Variants in ANKRD13A observed in about 807,000 individuals in gnomAD.
The protein encoded by ANKRD13A is ankyrin repeat domain 13A, also known as ankyrin repeat domain-containing protein 13A.
A neutral mutation model predicts 81.3 loss-of-function variants in ANKRD13A; 48 were observed. The observed-to-expected ratio is 0.59, with a 90% confidence interval of 0.47 to 0.75. The LOEUF (loss-of-function observed/expected upper bound fraction) is 0.75, where lower values mean the gene tolerates loss of function less well. ANKRD13A is among the 30% of genes least tolerant of loss of function. The pLI is 0.00. For missense variants in ANKRD13A, 612 were observed against 734.0 expected (o/e 0.83, Z 1.92); for synonymous variants, 230 against 270.1 (o/e 0.85, Z 1.45).
At chr12:110,029,760 CAGA>C in intron 11 of ANKRD13A, 125 bp downstream of exon 11, 1 of 1,013,576 alleles carries the variant, frequency 9.9e-7, no homozygotes, top group Non-Finnish European at 1.5e-6. Flanking sequence ...ATAGACATAA[CAGA>C]GGAGGTCAGA....
At position 110,019,268 on chromosome 12, in the gene ANKRD13A, G is replaced by T. The variant is rs745337377; in HGVS notation, c.674G>T (p.Arg225Leu). 6.2e-7 allele frequency: 1 copy of T among 1,613,998 alleles called. No individual in the cohort carries two copies. Among genetic ancestry groups the T allele is most frequent in the Admixed American group, 1.7e-5 (1 of 60,010 alleles). ...LMKPKSREVE[R>L]RLTSPVINTS... is the part of the protein sequence containing the mutation. ...AAGCCAAAAAGCAGGGAAGTTGAGC[G>T]GCGGCTCACAAGCCCTGTCATTAAC... Residue 225 changes from arginine (R) to leucine (L), a missense_variant, in exon 6 of 15, where the codon CGG (arginine) becomes CTG (leucine). Physicochemically the swap from Arg to Leu is moderately radical, Grantham distance 102. Coordinates refer to ENST00000261739, the MANE Select transcript of ANKRD13A (RefSeq NM_033121.2).
chr12:110,035,826 G>A (rs1007194821), intron 13 of ANKRD13A, among the ~76,000 whole-genome samples: 6 of 152,102 alleles, frequency 3.9e-5, no homozygotes, highest in African/African-American at 1.4e-4. Context: ...TTAGGTGGGA[G>A]GATTTCTTGT....
At chr12:110,005,017 A>G (rs1047419567) in intron 1 of ANKRD13A, among the ~76,000 whole-genome samples, 4 of 152,254 alleles carry the variant, frequency 2.6e-5, no homozygotes, top group African/African-American at 9.6e-5. Flanking sequence ...TTTTTTCAAA[A>G]GATTTTTATT....
At chr12:110,019,023 C>A in intron 5 of ANKRD13A, 116 bp from the exon 6 acceptor site, 1 of 1,119,650 alleles carries the variant, frequency 8.9e-7, no homozygotes, top group Non-Finnish European at 1.3e-6. Flanking sequence ...GTAGGTTTTA[C>A]CAGATAGCAC....
Position 110,027,694 on chromosome 12 carries a change from C to G in ANKRD13A, c.884-11C>G. The G allele has an allele frequency of 1.9e-6, 3 of 1,613,876 alleles. No homozygotes were observed. Among genetic ancestry groups the G allele is most frequent in the Non-Finnish European group, 2.5e-6 (3 of 1,179,778 alleles). On this transcript the variant is annotated splice_polypyrimidine_tract_variant and intron_variant, in intron 8 of 14. Transcript: ENST00000261739. ...ATAATATTAGACTTTAAACTCCCTA[C>G]CCCTCTGTAGCAGACAGGAACCCGC...
intron 4 of ANKRD13A, 149 bp downstream of exon 4, chr12:110,016,582 T>G (rs1252947353): frequency 1.4e-6 from 1 of 714,940 alleles, no homozygotes; most frequent in Admixed American, 3.1e-5. Flanking sequence ...TCACTGATAG[T>G]CCCAGTTAAA....
At chr12:110,022,746 GGA>G (rs1445452471) in intron 6 of ANKRD13A, among the ~76,000 whole-genome samples, 2 of 152,174 alleles carry the variant, frequency 1.3e-5, no homozygotes, top group African/African-American at 2.4e-5. Context: ...TGATAAAAGG[GGA>G]TTGTAGCTTA....
In ANKRD13A at chr12:110,030,725, T is replaced by C. The variant is rs1322384623; in HGVS notation, c.1315T>C (p.Ser439Pro). Residue 439 changes from serine to proline, a missense_variant, in exon 12 of 15, where the codon TCT (serine) becomes CCT (proline). By Grantham distance (74) the Ser-to-Pro change is moderately conservative. Coordinates refer to ENST00000261739, the MANE Select transcript of ANKRD13A (RefSeq NM_033121.2). Reference sequence around the variant, plus strand: ...CTGTAGCACTGCCGAAGAATCTGTATCTCAAAATGTGGAAGGGACCCAGGC... The same window carrying C: ...CTGTAGCACTGCCGAAGAATCTGTACCTCAAAATGTGGAAGGGACCCAGGC... The part of the protein sequence containing the change: ...NGCSTAEESV[S>P]QNVEGTQADS... The C allele has an allele frequency of 2.7e-5, 44 of 1,609,122 alleles. No homozygotes were observed. Among genetic ancestry groups the C allele is most frequent in the Non-Finnish European group, 3.2e-5 (38 of 1,177,232 alleles).
At position 109,999,442 on chromosome 12, in the gene ANKRD13A, G is replaced by A. The variant is rs1438352981; in HGVS notation, c.-247G>A. 1.4e-5 allele frequency: 3 copies of A among 222,180 alleles called. No homozygotes were observed. The East Asian group carries it at 3.0e-4, about 22-fold the overall frequency. The allele number at this position is 222,180 out of a possible 1,614,324, so 13.8% of individuals were successfully genotyped here. A position where few individuals can be genotyped will look rare whatever the true frequency, so the allele number is the denominator to read the frequency against. On this transcript the variant is annotated 5_prime_UTR_variant, in exon 1 of 15. Coordinates refer to ENST00000261739, the MANE Select transcript of ANKRD13A (RefSeq NM_033121.2). The surrounding 1 kb of genome is among the most constrained non-coding windows in gnomAD (Gnocchi z 4.3). ...CAGTTAGGTCCGCAGAAGTCTGTCCGCGAGCTGTCAGCGCGGGCGGGAACG... is the reference window on the plus strand; with the variant it reads ...CAGTTAGGTCCGCAGAAGTCTGTCCACGAGCTGTCAGCGCGGGCGGGAACG...
In ANKRD13A at chr12:110,039,074, T is replaced by A. The variant is rs1269023887; in HGVS notation, c.*1520T>A. 1 of 152,138 alleles carries A rather than the reference T, an allele frequency of 6.6e-6. No individual in the cohort carries two copies. Among genetic ancestry groups the A allele is most frequent in the Non-Finnish European group, 1.5e-5 (1 of 68,012 alleles). 9.4% of individuals were successfully genotyped at this position (152,138 alleles called of 1,614,324 possible). On this transcript the variant is annotated 3_prime_UTR_variant, in exon 15 of 15. Coordinates refer to ENST00000261739, the MANE Select transcript of ANKRD13A (RefSeq NM_033121.2). ...CCATTTCACAATCTGTTTTGTTTTTTTTTTTTGTCATTGTCTGACCAAAAT... is the reference window on the plus strand; with the variant it reads ...CCATTTCACAATCTGTTTTGTTTTTATTTTTTGTCATTGTCTGACCAAAAT...
intron 1 of ANKRD13A, among the ~76,000 whole-genome samples, chr12:110,007,049 T>C (rs1420302054): frequency 6.6e-6 from 1 of 152,240 alleles, no homozygotes; most frequent in East Asian, 1.9e-4. Context: ...TTGTATTCCA[T>C]TGACCTGTAT....
chr12:110,033,984 C>G, intron 13 of ANKRD13A, 27 bp downstream of exon 13: 2 of 1,583,844 alleles, frequency 1.3e-6, no homozygotes, highest in Non-Finnish European at 1.7e-6. Flanking sequence ...ACTCTAATGG[C>G]AGGGCGTGGG....
In ANKRD13A at chr12:110,019,152, G is replaced by A. The variant is rs1251911320; in HGVS notation, c.558G>A (p.Glu186=). The change falls in exon 6 of 15, where the codon GAG becomes GAA. Residue 186 remains glutamate, a synonymous_variant. Coordinates refer to ENST00000261739, the MANE Select transcript of ANKRD13A (RefSeq NM_033121.2). ...TTCCATTAATAGACAACTGGGCGGA[G>A]TTAATGGAAGTCAACCATGATGACA... ...FIFKGEDNWA[E]LMEVNHDDKV... 1 of 1,600,766 alleles carries A rather than the reference G, an allele frequency of 6.2e-7. No homozygotes were observed. The highest frequency in any genetic ancestry group is 8.5e-7 in the Non-Finnish European group (1 of 1,172,494).
rs964260704 is a variant in ANKRD13A, at chr12:109,999,596, C to T, written c.-93C>T. The stretch of plus-strand genomic sequence containing the variant: ...GTAACACGCCCTACGCTCGCTTGCT[C>T]GCCGGCCTCAGGGCAGGCAGGCGGG... On this transcript the variant is annotated 5_prime_UTR_variant, in exon 1 of 15. Coordinates refer to ENST00000261739, the MANE Select transcript of ANKRD13A (RefSeq NM_033121.2). This position sits in a 1 kb window ranked among gnomAD's most constrained non-coding sequence, Gnocchi z 4.3. 1.8e-5 allele frequency: 19 copies of T among 1,070,456 alleles called. No homozygotes were observed. The highest frequency in any genetic ancestry group is 3.2e-5 in the East Asian group (1 of 31,134). 66.3% of individuals were successfully genotyped at this position (1,070,456 alleles called of 1,614,324 possible).
Position 110,028,584 on chromosome 12 carries a change from T to C in ANKRD13A, c.1018T>C (p.Phe340Leu), listed in dbSNP as rs769269891. The C allele has an allele frequency of 8.7e-6, 14 of 1,613,938 alleles. No individual in the cohort carries two copies. The highest frequency in any genetic ancestry group is 1.7e-5 in the Admixed American group (1 of 59,984). The change falls in exon 10 of 15, where the codon TTT becomes CTT. Residue 340 changes from phenylalanine (F) to leucine (L), a missense_variant. Transcript: ENST00000261739. Reference protein sequence around the residue: ...ITPDEYFNEEFDLKDRDIGRP... With the variant: ...ITPDEYFNEELDLKDRDIGRP... Reference sequence around the variant, plus strand: ...GCCTGATGAGTACTTCAATGAAGAGTTTGATCTGAAAGACAGGGACATTGG... The same window carrying C: ...GCCTGATGAGTACTTCAATGAAGAGCTTGATCTGAAAGACAGGGACATTGG...
rs759821273 is a variant in ANKRD13A, at chr12:109,999,687, C to G, written c.-2C>G. The G allele has an allele frequency of 3.9e-6, 6 of 1,533,096 alleles. No homozygotes were observed. In the South Asian group the frequency reaches 6.1e-5, roughly 16 times the overall value. 95.0% of individuals were successfully genotyped at this position (1,533,096 alleles called of 1,614,324 possible). The stretch of plus-strand genomic sequence containing the variant: ...CGAGGACCAGGTTACGGCCTCCTCG[C>G]CATGTCCTCGGCCTGCGACGCGGGC... On this transcript the variant is annotated 5_prime_UTR_variant, in exon 1 of 15. Transcript: ENST00000261739. This position sits in a 1 kb window ranked among gnomAD's most constrained non-coding sequence, Gnocchi z 4.3.
chr12:110,007,795 G>A (rs1399226732), intron 1 of ANKRD13A, among the ~76,000 whole-genome samples: 3 of 152,056 alleles, frequency 2.0e-5, no homozygotes, highest in African/African-American at 7.2e-5. Flanking sequence ...ATTATAGATG[G>A]AATTGTTGTC....
At chr12:110,035,165 C>CT (rs1437520762) in intron 13 of ANKRD13A, among the ~76,000 whole-genome samples, 2 of 152,194 alleles carry the variant, frequency 1.3e-5, no homozygotes, top group African/African-American at 4.8e-5. Flanking sequence ...GCCTGGTATG[C>CT]TTTTCCTTTC....
In ANKRD13A at chr12:110,036,307, C is replaced by T. The variant is rs1280628694; in HGVS notation, c.1556C>T (p.Thr519Ile). ...AATGGAGGGATCAGCCAGACAAACA[C>T]CTATGACGCCCAGTATGAGAGGTGA... is the stretch of plus-strand genomic sequence containing the variant. ...ASNGGISQTN[T>I]YDAQYERAIQ... The change falls in exon 14 of 15, where the codon ACC becomes ATC. Residue 519 changes from threonine (T) to isoleucine (I), a missense_variant. By Grantham distance (89) the Thr-to-Ile change is moderately conservative. Transcript: ENST00000261739. The surrounding 1 kb of genome is among the most constrained non-coding windows in gnomAD (Gnocchi z 4.6). 4.3e-6 allele frequency: 7 copies of T among 1,613,910 alleles called. No individual in the cohort carries two copies. In the African/African-American group the frequency reaches 8.0e-5, roughly 18 times the overall value.
Sources: allele counts gnomAD v4.1 joint callset (sites outside exome capture counted in the v4.1 genomes callset), GRCh38; gene constraint gnomAD v4.1.1; non-coding constraint Gnocchi (gnomAD v3.1); transcripts MANE v1.5; gene names NCBI Gene and HGNC (gene_info 2026-07-23, HGNC 2026-07-21).